Variants in SP4 observed in about 807,000 individuals in gnomAD.
SP4 encodes the protein Sp4 transcription factor.
In SP4, 19 loss-of-function variants were observed where a neutral mutation model predicts 72.8. That is an observed-to-expected ratio of 0.26 (90% CI 0.18 to 0.38). SP4 has a LOEUF of 0.38. SP4 is among the 10% of genes least tolerant of loss of function. SP4 has a pLI of 1.00. For synonymous variants in SP4, 395 were observed against 333.1 expected (o/e 1.19, Z -2.02); for missense variants, 1,008 against 926.3 (o/e 1.09, Z -1.14).
chr7:21,428,916 T>A, intron 2 of SP4, 124 bp downstream of exon 2: 5 of 784,988 alleles, frequency 6.4e-6, no homozygotes, highest in South Asian at 1.9e-5. Context: ...TTTCTGAGAG[T>A]GTGGAACTTA....
intron 3 of SP4, among the ~76,000 whole-genome samples, chr7:21,433,210 C>T (rs1240517992): frequency 6.6e-6 from 1 of 151,974 alleles, no homozygotes; most frequent in Non-Finnish European, 1.5e-5. Context: ...GTGGTTATTC[C>T]TTCATTTTCA....
Position 21,511,117 on chromosome 7 carries a change from G to A in SP4, c.2203G>A (p.Gly735Ser). ...HVKTHQNKKG[G>S]GTALAIVTSG... ...CAAAACGCACCAGAATAAAAAAGGTGGTGGGACAGCTCTTGCCATTGTTAC... is the reference window on the plus strand; with the variant it reads ...CAAAACGCACCAGAATAAAAAAGGTAGTGGGACAGCTCTTGCCATTGTTAC... Residue 735 changes from glycine to serine, a missense_variant, in exon 6 of 6, where the codon GGT becomes AGT. Coordinates refer to ENST00000222584, the MANE Select transcript of SP4 (RefSeq NM_003112.5). 6.2e-7 allele frequency: 1 copy of A among 1,614,158 alleles called. No homozygotes were observed. The highest frequency in any genetic ancestry group is 1.1e-5 in the South Asian group (1 of 91,082).
intron 5 of SP4, among the ~76,000 whole-genome samples, chr7:21,510,800 C>T (rs1274019920): frequency 6.6e-6 from 1 of 152,212 alleles, no homozygotes; most frequent in East Asian, 1.9e-4. Flanking sequence ...ATTTCCAGTT[C>T]ATAGCAGAAG....
At chr7:21,473,377 G>T (rs1784405382) in intron 3 of SP4, among the ~76,000 whole-genome samples, 1 of 152,188 alleles carries the variant, frequency 6.6e-6, no homozygotes, top group Non-Finnish European at 1.5e-5. Flanking sequence ...AAGACTGGAA[G>T]ATGAAATCAT....
intron 3 of SP4, among the ~76,000 whole-genome samples, chr7:21,461,532 C>T (rs2128402341): frequency 6.6e-6 from 1 of 152,320 alleles, no homozygotes; most frequent in East Asian, 1.9e-4. Flanking sequence ...AGGCCAGCCG[C>T]TCCAAGTGCA....
At position 21,511,458 on chromosome 7, in the gene SP4, T is replaced by C. The variant is rs552855016; in HGVS notation, c.*189T>C. The C allele has an allele frequency of 1.8e-4, 104 of 568,100 alleles. No individual in the cohort carries two copies. In the Middle Eastern group the frequency reaches 2.4e-3, roughly 13 times the overall value. The allele number at this position is 568,100 out of a possible 1,614,324, so 35.2% of individuals were successfully genotyped here. A position where few individuals can be genotyped will look rare whatever the true frequency, so the allele number is the denominator to read the frequency against. ...TTAAAAAATACAAAAAGCAGACTGA[T>C]GTACTGGAAACAGAAAAGTATTTCC... On this transcript the variant is annotated 3_prime_UTR_variant, in exon 6 of 6. Coordinates refer to ENST00000222584, the MANE Select transcript of SP4 (RefSeq NM_003112.5).
chr7:21,438,011 T>C (rs1174642543), intron 3 of SP4, among the ~76,000 whole-genome samples: 2 of 151,946 alleles, frequency 1.3e-5, no homozygotes, highest in Non-Finnish European at 2.9e-5. Flanking sequence ...GGGGCTTTTT[T>C]TTTTTTTCTA....
At chr7:21,463,261 C>T (rs1784052302) in intron 3 of SP4, among the ~76,000 whole-genome samples, 1 of 151,598 alleles carries the variant, frequency 6.6e-6, no homozygotes, top group African/African-American at 2.4e-5. Context: ...TTGTAAGGTG[C>T]AAGGAAAGGG....
intron 3 of SP4, among the ~76,000 whole-genome samples, chr7:21,474,419 A>T (rs1248972666): frequency 1.3e-5 from 2 of 152,204 alleles, no homozygotes; most frequent in East Asian, 1.9e-4. Context: ...GCTTGTTCAG[A>T]CAGTACTCTC....
At chr7:21,493,869 A>G (rs1006535040) in intron 5 of SP4, among the ~76,000 whole-genome samples, 7 of 152,224 alleles carry the variant, frequency 4.6e-5, no homozygotes, top group Admixed American at 2.0e-4. Flanking sequence ...AAAAAAACTT[A>G]GACCAATATC....
intron 3 of SP4, among the ~76,000 whole-genome samples, chr7:21,474,182 C>G (rs1379657992): frequency 6.6e-6 from 1 of 152,166 alleles, no homozygotes; most frequent in African/African-American, 2.4e-5. Context: ...CCCTCACCCC[C>G]AGACTTAGCT....
At chr7:21,490,802 C>A (rs1373322640) in intron 5 of SP4, among the ~76,000 whole-genome samples, 1 of 152,202 alleles carries the variant, frequency 6.6e-6, no homozygotes, top group East Asian at 1.9e-4. Flanking sequence ...CCATCCAATT[C>A]CCAGCATGTG....
chr7:21,442,423 T>A (rs1345595410), intron 3 of SP4, among the ~76,000 whole-genome samples: 1 of 152,230 alleles, frequency 6.6e-6, no homozygotes, highest in African/African-American at 2.4e-5. Flanking sequence ...TTCTTTCTTA[T>A]GATCATTTGC....
At chr7:21,454,324 T>C (rs1783694067) in intron 3 of SP4, among the ~76,000 whole-genome samples, 1 of 151,032 alleles carries the variant, frequency 6.6e-6, no homozygotes, top group South Asian at 2.1e-4. Context: ...TACAATTATA[T>C]AACATTTCTT....
Position 21,429,541 on chromosome 7 carries a change from A to G in SP4, c.376A>G (p.Ser126Gly). 3 of 1,614,052 alleles carry G rather than the reference A, an allele frequency of 1.9e-6. No individual in the cohort carries two copies. Among genetic ancestry groups the G allele is most frequent in the Non-Finnish European group, 8.5e-7 (1 of 1,179,882 alleles). Reference sequence around the variant, plus strand: ...TTCTCAACCAGCCTCTAGTTCGTCTAGTTCTTCCAGCAGTAATAACGGGAG... The same window carrying G: ...TTCTCAACCAGCCTCTAGTTCGTCTGGTTCTTCCAGCAGTAATAACGGGAG... ...NVSQPASSSS[S>G]SSSSNNGSAS... is the part of the protein sequence containing the mutation. Residue 126 changes from serine (S) to glycine (G), a missense_variant, in exon 3 of 6, where the codon AGT (serine) becomes GGT (glycine). Transcript: ENST00000222584.
At chr7:21,471,861 A>G (rs1784355718) in intron 3 of SP4, among the ~76,000 whole-genome samples, 1 of 152,172 alleles carries the variant, frequency 6.6e-6, no homozygotes, top group Admixed American at 6.5e-5. Flanking sequence ...GGACAGTAAT[A>G]TTTAGCCCAT....
At position 21,437,115 on chromosome 7, in the gene SP4, C is replaced by G. The variant is rs1364263305; in HGVS notation, c.1678+6272C>G. Among the ~76,000 whole-genome samples the G allele has an allele frequency of 2.0e-5, 3 of 152,156 alleles. 1 individual carries two copies. Among genetic ancestry groups the G allele is most frequent in the African/African-American group, 7.2e-5 (3 of 41,434 alleles). The stretch of plus-strand genomic sequence containing the variant: ...ATTTATGCTGCATGGTAAAAAGTGT[C>G]AGAAGATTTGGCATGAATAACACCT... On this transcript the variant is annotated intron_variant, in intron 3 of 5. Coordinates refer to ENST00000222584, the MANE Select transcript of SP4 (RefSeq NM_003112.5).
In SP4 at chr7:21,484,628, G is replaced by A. The variant is rs115933819; in HGVS notation, c.2107+2505G>A. ...AAAAGTTAATTCCATACCAGTTGTTGATATCTGTTTTAGAAAAATACTCTG... is the reference window on the plus strand; with the variant it reads ...AAAAGTTAATTCCATACCAGTTGTTAATATCTGTTTTAGAAAAATACTCTG... On this transcript the variant is annotated intron_variant, in intron 5 of 5. Coordinates refer to ENST00000222584, the MANE Select transcript of SP4 (RefSeq NM_003112.5). Among the ~76,000 whole-genome samples, 1,418 of 151,956 alleles carry A rather than the reference G, an allele frequency of 9.3e-3. 26 individuals are homozygous for A. The highest frequency in any genetic ancestry group is 0.033 in the African/African-American group (1,367 of 41,538).
chr7:21,495,479 G>A (rs1781680829), intron 5 of SP4, among the ~76,000 whole-genome samples: 1 of 151,918 alleles, frequency 6.6e-6, no homozygotes, highest in Non-Finnish European at 1.5e-5. Flanking sequence ...ACGGAAAAGT[G>A]CATGAAAAGA....
Sources: allele counts gnomAD v4.1 joint callset (sites outside exome capture counted in the v4.1 genomes callset), GRCh38; gene constraint gnomAD v4.1.1; transcripts MANE v1.5; gene names NCBI Gene and HGNC (gene_info 2026-07-23, HGNC 2026-07-21).